The following MANBA variants were observed in gnomAD, a reference collection of about 807,000 sequenced individuals.
MANBA encodes beta-mannosidase.
A neutral mutation model predicts 111.1 loss-of-function variants in MANBA; 83 were observed. The ratio of observed to expected loss-of-function variants is 0.75; its 90% CI spans 0.63 to 0.90. The LOEUF (loss-of-function observed/expected upper bound fraction) is 0.90, where lower values mean the gene tolerates loss of function less well. MANBA is among the 40% of genes least tolerant of loss of function. The probability of loss-of-function intolerance (pLI) is 0.00; values close to 1 mark genes in which losing one functional copy is unlikely to be tolerated. For missense variants in MANBA, 1,036 were observed against 1,069.0 expected (o/e 0.97, Z 0.43); for synonymous variants, 370 against 378.7 (o/e 0.98, Z 0.27).
rs530548919 is a variant in MANBA, at chr4:102,758,209, T to C, written c.177+2509A>G. Among the ~76,000 whole-genome samples, 99 of 152,356 alleles carry C rather than the reference T, an allele frequency of 6.5e-4. 1 individual carries two copies. The highest frequency in any genetic ancestry group is 2.3e-3 in the African/African-American group (96 of 41,586). On this transcript the variant is annotated intron_variant, in intron 1 of 16. Coordinates refer to ENST00000647097, the MANE Select transcript of MANBA (RefSeq NM_005908.4). ...TTACATTATTTATTAATTTGGTATA[T>C]ATGTCTATCTCCTCCATTAGAATGT... is the stretch of plus-strand genomic sequence containing the variant.
At chr4:102,750,904 C>A (rs189621657) in intron 1 of MANBA, among the ~76,000 whole-genome samples, 1 of 151,824 alleles carries the variant, frequency 6.6e-6, no homozygotes, top group Non-Finnish European at 1.5e-5. Flanking sequence ...CAGAGTAATA[C>A]CCTATCTCAA....
At chr4:102,712,854 G>C (rs1296897906) in intron 5 of MANBA, among the ~76,000 whole-genome samples, 3 of 152,062 alleles carry the variant, frequency 2.0e-5, no homozygotes, top group Non-Finnish European at 4.4e-5. Context: ...ACCAGATTCT[G>C]TTATTTATAC....
chr4:102,682,139 T>A, intron 7 of MANBA, among the ~76,000 whole-genome samples: 1 of 133,454 alleles, frequency 7.5e-6, no homozygotes. Context: ...AAAAGACAAC[T>A]CTGTCTCAAA....
chr4:102,740,885 G>A (rs150520855), intron 1 of MANBA, among the ~76,000 whole-genome samples: 3,041 of 151,706 alleles, frequency 0.02, 100 homozygotes, highest in African/African-American at 0.067. Context: ...TCTAGACATT[G>A]GTTTAGGCAA....
chr4:102,714,199 T>G (rs920201409), intron 5 of MANBA, among the ~76,000 whole-genome samples: 1 of 152,220 alleles, frequency 6.6e-6, no homozygotes, highest in African/African-American at 2.4e-5. Context: ...TCTTCCATTT[T>G]ATTTTTTCCT....
chr4:102,752,154 C>A (rs1345257440), intron 1 of MANBA: 1 of 777,762 alleles, frequency 1.3e-6, no homozygotes, highest in Non-Finnish European at 2.4e-6. Context: ...CACAAGGAAG[C>A]AATTTCCTCA....
chr4:102,757,238 A>G (rs1724060949), intron 1 of MANBA, among the ~76,000 whole-genome samples: 1 of 152,128 alleles, frequency 6.6e-6, no homozygotes, highest in African/African-American at 2.4e-5. Context: ...CTGAGGCAGG[A>G]GAATCTCTTG....
chr4:102,644,823 C>T (rs1003957600), intron 13 of MANBA, among the ~76,000 whole-genome samples: 1 of 151,968 alleles, frequency 6.6e-6, no homozygotes, highest in Non-Finnish European at 1.5e-5. Context: ...CTTGAATTAG[C>T]CATTCCATAA....
At chr4:102,668,882 C>T in intron 10 of MANBA, 81 bp downstream of exon 10, 1 of 1,230,380 alleles carries the variant, frequency 8.1e-7, no homozygotes, top group Non-Finnish European at 1.2e-6. Context: ...GAACAAAAAC[C>T]AAAATGAAGC....
chr4:102,709,642 C>CTAGA (rs1181559701), intron 5 of MANBA, among the ~76,000 whole-genome samples: 1 of 152,102 alleles, frequency 6.6e-6, no homozygotes, highest in Non-Finnish European at 1.5e-5. Context: ...CTAACTCATT[C>CTAGA]CAGAGGTCAG....
intron 5 of MANBA, among the ~76,000 whole-genome samples, chr4:102,702,006 G>A (rs1330053219): frequency 9.2e-5 from 14 of 152,042 alleles, no homozygotes; most frequent in East Asian, 1.9e-4. Context: ...CCAGTCAGAC[G>A]TAGATTTGGT....
chr4:102,686,231 C>T (rs563873287), intron 7 of MANBA, among the ~76,000 whole-genome samples: 2 of 152,082 alleles, frequency 1.3e-5, no homozygotes, highest in South Asian at 4.2e-4. Context: ...CATACACATG[C>T]ATTTACAAAG....
intron 1 of MANBA, chr4:102,729,638 CT>C (rs1370866689): frequency 8.3e-7 from 1 of 1,210,558 alleles, no homozygotes; most frequent in Non-Finnish European, 1.2e-6. Context: ...CATCCTCATA[CT>C]TGTTCTTGAA....
chr4:102,644,803 T>C (rs1024698120), intron 13 of MANBA, among the ~76,000 whole-genome samples: 1 of 152,160 alleles, frequency 6.6e-6, no homozygotes, highest in African/African-American at 2.4e-5. Flanking sequence ...GCAATGCATA[T>C]GTTTAACAGC....
intron 1 of MANBA, chr4:102,728,310 T>C: frequency 3.7e-6 from 2 of 535,184 alleles, no homozygotes; most frequent in Non-Finnish European, 7.6e-6. Context: ...AAGTGACTTT[T>C]CTGGATGCTC....
intron 1 of MANBA, chr4:102,734,507 G>A (rs1055165725): frequency 2.1e-5 from 33 of 1,607,344 alleles, no homozygotes; most frequent in African/African-American, 1.7e-4. Flanking sequence ...TCCACGAGGT[G>A]GAGGCTGAAC....
intron 12 of MANBA, among the ~76,000 whole-genome samples, chr4:102,652,283 T>C (rs73834876): frequency 0.01 from 1,549 of 152,308 alleles, 30 homozygotes; most frequent in African/African-American, 0.035. Context: ...TAATCATTAT[T>C]CCACTCTACT....
intron 7 of MANBA, among the ~76,000 whole-genome samples, chr4:102,685,214 T>G (rs1165122794): frequency 6.6e-6 from 1 of 152,308 alleles, no homozygotes; most frequent in South Asian, 2.1e-4. Context: ...TTCTTGAACA[T>G]GTTGACAGTT....
At chr4:102,736,286 C>T (rs892211730) in intron 1 of MANBA, among the ~76,000 whole-genome samples, 24 of 152,120 alleles carry the variant, frequency 1.6e-4, no homozygotes, top group African/African-American at 5.1e-4. Flanking sequence ...ATAAACATGC[C>T]GTGTGTGCCT....
Sources: gnomAD v4.1 joint callset for allele counts (sites outside exome capture counted in the v4.1 genomes callset) on GRCh38, gnomAD v4.1.1 for gene constraint, MANE v1.5 for transcripts, NCBI Gene and HGNC (gene_info 2026-07-23, HGNC 2026-07-21) for gene names.